MED12L: variants seen among roughly 807,000 people sequenced by gnomAD.
MED12L encodes mediator of RNA polymerase II transcription subunit 12-like protein.
A neutral mutation model predicts 281.3 loss-of-function variants in MED12L; 60 were observed. The observed-to-expected ratio is 0.21, with a 90% confidence interval of 0.17 to 0.26. The LOEUF is 0.26. Among genes scored for constraint, MED12L ranks in the 10% least tolerant of loss-of-function variants. The pLI is 1.00. For missense variants in MED12L, 2,146 were observed against 2,680.9 expected (o/e 0.80, Z 4.41); for synonymous variants, 974 against 987.2 (o/e 0.99, Z 0.25).
At chr3:151,340,240 A>C (rs1030315154) in intron 16 of MED12L, among the ~76,000 whole-genome samples, 25 of 152,174 alleles carry the variant, frequency 1.6e-4, no homozygotes, top group African/African-American at 5.8e-4. Context: ...AATTCGACTT[A>C]GTGAATATAC....
rs548009542 is a variant in MED12L, at chr3:151,129,338, T to C, written c.556+1354T>C. ...TGAGTTCAGCATCATCCTATACGTG[T>C]TAAAAGAAATAAGCAAAAAGAAACT... On this transcript the variant is annotated intron_variant, in intron 5 of 44. Coordinates refer to ENST00000687756, the MANE Select transcript of MED12L (RefSeq NM_001393769.1). Among the ~76,000 whole-genome samples the C allele has an allele frequency of 2.0e-5, 3 of 152,272 alleles. No homozygotes were observed. In the South Asian group the frequency reaches 6.2e-4, roughly 32 times the overall value.
chr3:151,350,042 C>T lies in MED12L; in HGVS notation c.2251-17C>T, dbSNP rs1354132836. 20 of 1,601,268 alleles carry T rather than the reference C, an allele frequency of 1.2e-5. No individual in the cohort carries two copies. Among genetic ancestry groups the T allele is most frequent in the Non-Finnish European group, 1.7e-5 (20 of 1,171,760 alleles). On this transcript the variant is annotated splice_polypyrimidine_tract_variant and intron_variant, in intron 16 of 44. Transcript: ENST00000687756. ...CCCTGCAGACAAGAGTTTCAGAATGCATTTTCTGTTTTTCAGGATGAATCT... is the reference window on the plus strand; with the variant it reads ...CCCTGCAGACAAGAGTTTCAGAATGTATTTTCTGTTTTTCAGGATGAATCT...
intron 4 of MED12L, among the ~76,000 whole-genome samples, chr3:151,127,415 T>C (rs997200498): frequency 6.6e-6 from 1 of 152,228 alleles, no homozygotes; most frequent in Admixed American, 6.5e-5. Context: ...GGATAAAATA[T>C]AGAGTAGGGA....
chr3:151,163,505 TTC>T (rs869042965), intron 8 of MED12L, among the ~76,000 whole-genome samples: 1 of 143,740 alleles, frequency 7.0e-6, no homozygotes. Flanking sequence ...TTTTAAATAC[TTC>T]TTTTTTTTTA....
At chr3:151,420,866 G>A (rs569253693) in intron 43 of MED12L, among the ~76,000 whole-genome samples, 34 of 152,212 alleles carry the variant, frequency 2.2e-4, no homozygotes, top group Non-Finnish European at 3.8e-4. Context: ...TGGCAGAGGC[G>A]TTGTGTTCAG....
In MED12L at chr3:151,436,416, A is replaced by G. The variant is rs1316577784; in HGVS notation, c.*3612A>G. The G allele has an allele frequency of 1.4e-5, 4 of 278,304 alleles. No homozygotes were observed. Among genetic ancestry groups the G allele is most frequent in the East Asian group, 1.6e-4 (2 of 12,620 alleles). The allele number at this position is 278,304 out of a possible 1,614,324, so 17.2% of individuals were successfully genotyped here. A position where few individuals can be genotyped will look rare whatever the true frequency, so the allele number is the denominator to read the frequency against. ...AATTCAGGTACATTAGCCATTTGTTATTTTATAGTGAACCGTTTCAATGTT... is the reference window on the plus strand; with the variant it reads ...AATTCAGGTACATTAGCCATTTGTTGTTTTATAGTGAACCGTTTCAATGTT... On this transcript the variant is annotated 3_prime_UTR_variant, in exon 45 of 45. Transcript: ENST00000687756.
intron 16 of MED12L, among the ~76,000 whole-genome samples, chr3:151,333,796 T>C (rs1750620958): frequency 6.6e-6 from 1 of 152,192 alleles, no homozygotes; most frequent in Non-Finnish European, 1.5e-5. Context: ...AGTGGGATTC[T>C]TGGCCAGGCA....
chr3:151,167,691 C>T (rs1720894303), intron 11 of MED12L, among the ~76,000 whole-genome samples: 1 of 152,154 alleles, frequency 6.6e-6, no homozygotes, highest in African/African-American at 2.4e-5. Context: ...AGCAATGCCT[C>T]CCTACTTCAG....
intron 16 of MED12L, among the ~76,000 whole-genome samples, chr3:151,259,811 C>T (rs923765978): frequency 4.6e-5 from 7 of 152,102 alleles, no homozygotes; most frequent in Non-Finnish European, 8.8e-5. Context: ...AGTTCTTGCC[C>T]CAGTGCATTC....
At chr3:151,153,142 A>T (rs1718785172) in intron 5 of MED12L, among the ~76,000 whole-genome samples, 1 of 152,220 alleles carries the variant, frequency 6.6e-6, no homozygotes, top group Non-Finnish European at 1.5e-5. Context: ...GGTGACCAAG[A>T]TCACAGTGCT....
In MED12L at chr3:151,108,761, G is replaced by C. The variant is rs544717896; in HGVS notation, c.100-7577G>C. Among the ~76,000 whole-genome samples the C allele has an allele frequency of 2.0e-5, 3 of 152,316 alleles. No individual in the cohort carries two copies. The South Asian group carries it at 6.2e-4, about 32-fold the overall frequency. On this transcript the variant is annotated intron_variant, in intron 2 of 44. Coordinates refer to ENST00000687756, the MANE Select transcript of MED12L (RefSeq NM_001393769.1). ...GTTTCTGCGCATGTTCTGTGCGATA[G>C]AGGGTGACGCTCAGGAGGTTGTGAG...
chr3:151,375,881 T>G (rs539741215), intron 27 of MED12L, 145 bp from the exon 28 acceptor site: 16 of 473,602 alleles, frequency 3.4e-5, no homozygotes, highest in Admixed American at 3.1e-4. Context: ...TTTAAAATTT[T>G]TCTACCTACT....
chr3:151,097,285 T>C (rs1720835918), intron 2 of MED12L, among the ~76,000 whole-genome samples: 2 of 152,338 alleles, frequency 1.3e-5, no homozygotes, highest in South Asian at 2.1e-4. Flanking sequence ...AGTTGTACAA[T>C]GCTGTGACCC....
At chr3:151,342,426 G>A (rs1751978537) in intron 16 of MED12L, among the ~76,000 whole-genome samples, 1 of 152,120 alleles carries the variant, frequency 6.6e-6, no homozygotes, top group African/African-American at 2.4e-5. Flanking sequence ...ATCTTCATTG[G>A]TTTTCACAGT....
chr3:151,319,292 T>C (rs545221978), intron 16 of MED12L, among the ~76,000 whole-genome samples: 13 of 152,292 alleles, frequency 8.5e-5, no homozygotes, highest in African/African-American at 2.9e-4. Flanking sequence ...CTGCTGGTTT[T>C]TATAGCAAGT....
chr3:151,162,591 A>T (rs113524955), intron 8 of MED12L, among the ~76,000 whole-genome samples: 5 of 151,734 alleles, frequency 3.3e-5, no homozygotes, highest in African/African-American at 1.2e-4. Context: ...GATGTGCATC[A>T]CCACACCCAG....
chr3:151,334,419 A>C (rs1168435512), intron 16 of MED12L, among the ~76,000 whole-genome samples: 1 of 151,318 alleles, frequency 6.6e-6, no homozygotes, highest in African/African-American at 2.4e-5. Flanking sequence ...ACAAAAAGAG[A>C]GTTGTGTTTT....
At chr3:151,423,019 A>ATC (rs1458005138) in intron 43 of MED12L, among the ~76,000 whole-genome samples, 4 of 144,928 alleles carry the variant, frequency 2.8e-5, no homozygotes, top group Non-Finnish European at 4.5e-5. Context: ...TCATAAAAAT[A>ATC]TATATATATA....
intron 16 of MED12L, among the ~76,000 whole-genome samples, chr3:151,208,220 A>G (rs575573550): frequency 6.6e-6 from 1 of 152,342 alleles, no homozygotes; most frequent in East Asian, 1.9e-4. Context: ...TTAACAAGAA[A>G]GTGAATTTGA....
Sources: gnomAD v4.1 joint callset for allele counts (sites outside exome capture counted in the v4.1 genomes callset) on GRCh38, gnomAD v4.1.1 for gene constraint, MANE v1.5 for transcripts, NCBI Gene and HGNC (gene_info 2026-07-23, HGNC 2026-07-21) for gene names.